Variants in NUP153 observed in about 807,000 individuals in gnomAD.
The protein encoded by NUP153 is nucleoporin 153, also known as nuclear pore complex protein Nup153.
A neutral mutation model predicts 134.6 loss-of-function variants in NUP153; 27 were observed. The ratio of observed to expected loss-of-function variants is 0.20; its 90% CI spans 0.15 to 0.28. The LOEUF is 0.28. Ranked by LOEUF, NUP153 falls within the 10% of genes least tolerant of loss-of-function variation. The pLI is 1.00. For synonymous variants in NUP153, 640 were observed against 623.5 expected, an observed-to-expected ratio of 1.03 and a Z score of -0.40; for missense variants, 1,821 against 1,731.3, an observed-to-expected ratio of 1.05 and a Z score of -0.92.
At chr6:17,687,256 G>T (rs1768988362) in intron 2 of NUP153, among the ~76,000 whole-genome samples, 1 of 152,132 alleles carries the variant, frequency 6.6e-6, no homozygotes, top group African/African-American at 2.4e-5. Context: ...AGTCGCTGTG[G>T]ATATACTAGA....
At chr6:17,695,221 T>C (rs1769560966) in intron 1 of NUP153, among the ~76,000 whole-genome samples, 1 of 152,226 alleles carries the variant, frequency 6.6e-6, no homozygotes, top group Non-Finnish European at 1.5e-5. Context: ...ATATATCTAG[T>C]CACTTATAAA....
At chr6:17,695,170 C>A (rs1179626836) in intron 1 of NUP153, among the ~76,000 whole-genome samples, 1 of 152,150 alleles carries the variant, frequency 6.6e-6, no homozygotes, top group African/African-American at 2.4e-5. Context: ...TGTGTGCATA[C>A]CCATGTGTGA....
intron 20 of NUP153, among the ~76,000 whole-genome samples, chr6:17,618,400 A>G (rs1764447038): frequency 6.6e-6 from 1 of 152,186 alleles, no homozygotes; most frequent in East Asian, 1.9e-4. Context: ...CAGCAAAGAA[A>G]CAAAATTTTA....
chr6:17,637,073 TAA>T, intron 16 of NUP153, 78 bp downstream of exon 16: 1 of 1,365,846 alleles, frequency 7.3e-7, no homozygotes, highest in Non-Finnish European at 1.0e-6. Flanking sequence ...CTGAAACATC[TAA>T]AACAAGGATT....
chr6:17,625,648 T>C lies in NUP153; in HGVS notation c.3901+160A>G, dbSNP rs541180045. ...TAAAGTTGAACACAGAGAGTGTACA[T>C]TATTCCATACAGTGAATAATTAAAA... On this transcript the variant is annotated intron_variant, in intron 19 of 21. Coordinates refer to ENST00000262077, the MANE Select transcript of NUP153 (RefSeq NM_005124.4). The surrounding 1 kb of genome is among the most constrained non-coding windows in gnomAD (Gnocchi z 4.7). 1.3e-5 allele frequency among the ~76,000 whole-genome samples: 2 copies of C among 152,370 alleles called. No individual in the cohort carries two copies. The highest frequency in any genetic ancestry group is 4.1e-4 in the South Asian group (2 of 4,834).
chr6:17,674,348 A>T (rs75706996), intron 5 of NUP153, among the ~76,000 whole-genome samples: 1 of 152,152 alleles, frequency 6.6e-6, no homozygotes, highest in Non-Finnish European at 1.5e-5. Flanking sequence ...AAAAAGAATC[A>T]CATTTCTTGA....
At chr6:17,670,649 T>A (rs1767850471) in intron 5 of NUP153, among the ~76,000 whole-genome samples, 3 of 152,182 alleles carry the variant, frequency 2.0e-5, no homozygotes, top group Admixed American at 2.0e-4. Context: ...GATTTTTTTG[T>A]AAATGCACTT....
At chr6:17,689,476 T>C (rs1019888912) in intron 1 of NUP153, among the ~76,000 whole-genome samples, 1 of 151,316 alleles carries the variant, frequency 6.6e-6, no homozygotes, top group African/African-American at 2.4e-5. Flanking sequence ...TTTCTGATGT[T>C]GACATTTCAC....
intron 14 of NUP153, among the ~76,000 whole-genome samples, chr6:17,644,608 T>C (rs2113793653): frequency 6.6e-6 from 1 of 152,302 alleles, no homozygotes; most frequent in East Asian, 1.9e-4. Flanking sequence ...CTCAGGTGTT[T>C]CTGATTTTCC....
chr6:17,697,160 G>A (rs77463409), intron 1 of NUP153, among the ~76,000 whole-genome samples: 9,243 of 152,134 alleles, frequency 0.061, 389 homozygotes, highest in Non-Finnish European at 0.083. Flanking sequence ...TTAAGTTCAA[G>A]GATTAAAGGA....
At chr6:17,635,441 A>G (rs1353232268) in intron 16 of NUP153, among the ~76,000 whole-genome samples, 5 of 151,790 alleles carry the variant, frequency 3.3e-5, no homozygotes, top group Non-Finnish European at 5.9e-5. Context: ...TCACTCTGTC[A>G]CCCAGGCTGA....
intron 14 of NUP153, among the ~76,000 whole-genome samples, chr6:17,641,116 A>C (rs748350011): frequency 6.6e-6 from 1 of 152,182 alleles, no homozygotes; most frequent in Non-Finnish European, 1.5e-5. Flanking sequence ...TTTTATCGTT[A>C]TATTTTTAAG....
intron 2 of NUP153, among the ~76,000 whole-genome samples, chr6:17,686,047 C>G (rs1401345005): frequency 6.6e-6 from 1 of 152,008 alleles, no homozygotes; most frequent in African/African-American, 2.4e-5. Context: ...ACTTGGGAGG[C>G]TGAGGTGGGA....
At chr6:17,644,760 G>T (rs1015266651) in intron 14 of NUP153, among the ~76,000 whole-genome samples, 2 of 151,992 alleles carry the variant, frequency 1.3e-5, no homozygotes, top group African/African-American at 4.8e-5. Flanking sequence ...CTGGCCAAAC[G>T]TGGTGAAACA....
chr6:17,622,498 A>C (rs570668987), intron 20 of NUP153, among the ~76,000 whole-genome samples: 2 of 152,332 alleles, frequency 1.3e-5, no homozygotes, highest in African/African-American at 4.8e-5. Flanking sequence ...TAACATCTTT[A>C]CTATCCAGGT....
intron 2 of NUP153, among the ~76,000 whole-genome samples, chr6:17,681,834 GA>G (rs1768597849): frequency 6.6e-6 from 1 of 152,014 alleles, no homozygotes; most frequent in Non-Finnish European, 1.5e-5. Flanking sequence ...TCCTATAGGA[GA>G]AAAGTGATAG....
Position 17,632,792 on chromosome 6 carries a change from A to G in NUP153, c.2517T>C (p.Ser839=), listed in dbSNP as rs763974516. The G allele has an allele frequency of 1.9e-5, 30 of 1,590,570 alleles. No individual in the cohort carries two copies. In the East Asian group the frequency reaches 4.2e-4, roughly 22 times the overall value. ...ACTTTTCCAATCCTAGAGAGCCTCC[A>G]GAAGGCAGAGAGACAGGTACAGTGC... The part of the protein sequence containing the change: ...SSSTVPVSLP[S]GGSLGLEKFK... Residue 839 remains serine (S), a synonymous_variant, in exon 17 of 22, where the codon TCT becomes TCC. Coordinates refer to ENST00000262077, the MANE Select transcript of NUP153 (RefSeq NM_005124.4).
Position 17,624,430 on chromosome 6 carries a change from T to C in NUP153, c.4174+131A>G, listed in dbSNP as rs1305527108. On this transcript the variant is annotated intron_variant, in intron 20 of 21. Transcript: ENST00000262077. ...TGTTTATATATAAATCCAACCATAT[T>C]ACCTCTCTATTCTGCCAAGTACAAG... 16 of 819,152 alleles carry C rather than the reference T, an allele frequency of 2.0e-5. No homozygotes were observed. In the East Asian group the frequency reaches 3.8e-4, roughly 20 times the overall value. The allele number at this position is 819,152 out of a possible 1,614,324, so 50.7% of individuals were successfully genotyped here.
At position 17,702,455 on chromosome 6, in the gene NUP153, C is replaced by CA. The variant is rs1770178369; in HGVS notation, c.111+3821dup. On this transcript the variant is annotated intron_variant, in intron 1 of 21. Transcript: ENST00000262077. ...CCCGGGAGGCAGAGCTTGCAGTGAG[C>CA]AGAGATCGTGCCACTGCACTCCAGC... is the stretch of plus-strand genomic sequence containing the variant. Among the ~76,000 whole-genome samples, 4 of 152,156 alleles carry CA rather than the reference C, an allele frequency of 2.6e-5. No homozygotes were observed. In the South Asian group the frequency reaches 8.3e-4, roughly 32 times the overall value.
Sources: allele counts gnomAD v4.1 joint callset (sites outside exome capture counted in the v4.1 genomes callset), GRCh38; gene constraint gnomAD v4.1.1; non-coding constraint Gnocchi (gnomAD v3.1); transcripts MANE v1.5; gene names NCBI Gene and HGNC (gene_info 2026-07-23, HGNC 2026-07-21).